The following DGKB variants were observed in gnomAD, a reference collection of about 807,000 sequenced individuals.
DGKB encodes 90 kDa diacylglycerol kinase.
A neutral mutation model predicts 114.3 loss-of-function variants in DGKB; 67 were observed. The ratio of observed to expected loss-of-function variants is 0.59; its 90% CI spans 0.48 to 0.72. The LOEUF is 0.72. DGKB is among the 30% of genes least tolerant of loss of function. The probability of loss-of-function intolerance (pLI) is 0.00; values close to 1 mark genes in which losing one functional copy is unlikely to be tolerated. For missense variants in DGKB, 907 were observed against 975.2 expected (o/e 0.93, Z 0.93); for synonymous variants, 398 against 323.1 (o/e 1.23, Z -2.49).
chr7:14,891,178 C>T lies in DGKB; in HGVS notation c.-188+11414G>A, dbSNP rs535122040. On this transcript the variant is annotated intron_variant, in intron 1 of 25. Transcript: ENST00000402815. The stretch of plus-strand genomic sequence containing the variant: ...CGTTCCAAAGCACCAAGTAGATGCG[C>T]GAAACCGCTAATAGTACCAAACTCT... Among the ~76,000 whole-genome samples the T allele has an allele frequency of 1.7e-4, 25 of 151,388 alleles. No individual in the cohort carries two copies. In the South Asian group the frequency reaches 3.7e-3, roughly 23 times the overall value.
intron 2 of DGKB, among the ~76,000 whole-genome samples, chr7:14,811,158 A>C (rs1337306165): frequency 1.3e-5 from 2 of 152,118 alleles, no homozygotes; most frequent in East Asian, 3.9e-4. Flanking sequence ...GATCTCGCTG[A>C]AATACGCCAG....
intron 19 of DGKB, among the ~76,000 whole-genome samples, chr7:14,580,265 T>A (rs73680448): frequency 3.4e-3 from 512 of 152,318 alleles, no homozygotes; most frequent in African/African-American, 0.011. Context: ...TTCTTCTATG[T>A]CATATCCTCA....
chr7:14,418,727 G>C (rs2128758671), intron 21 of DGKB, among the ~76,000 whole-genome samples: 1 of 150,344 alleles, frequency 6.7e-6, no homozygotes, highest in East Asian at 1.9e-4. Flanking sequence ...TTCATAGCTA[G>C]GTTAATTTCA....
chr7:14,293,048 A>T (rs1802003576), intron 23 of DGKB, among the ~76,000 whole-genome samples: 1 of 152,168 alleles, frequency 6.6e-6, no homozygotes, highest in Non-Finnish European at 1.5e-5. Flanking sequence ...AGAAAGATTC[A>T]CTGGATACAT....
At chr7:14,640,344 T>G (rs1222530802) in intron 13 of DGKB, among the ~76,000 whole-genome samples, 1 of 152,160 alleles carries the variant, frequency 6.6e-6, no homozygotes, top group East Asian at 1.9e-4. Context: ...ATTGGGTGGC[T>G]CAAGGATGTT....
intron 13 of DGKB, among the ~76,000 whole-genome samples, chr7:14,644,834 C>A (rs1402501814): frequency 1.3e-5 from 2 of 152,076 alleles, no homozygotes; most frequent in East Asian, 3.9e-4. Flanking sequence ...AAATAGACAT[C>A]CAGATACAGG....
chr7:14,646,033 T>A (rs1812926678), intron 13 of DGKB, among the ~76,000 whole-genome samples: 1 of 152,094 alleles, frequency 6.6e-6, no homozygotes, highest in African/African-American at 2.4e-5. Context: ...TATCAACAAC[T>A]ATGAAGAGGT....
intron 1 of DGKB, among the ~76,000 whole-genome samples, chr7:14,875,343 T>G (rs1039297103): frequency 6.6e-6 from 1 of 152,166 alleles, no homozygotes; most frequent in Non-Finnish European, 1.5e-5. Context: ...TTCTGCTGCT[T>G]CTACCTGCTT....
At chr7:14,151,827 C>T (rs949882302) in intron 25 of DGKB, among the ~76,000 whole-genome samples, 1 of 152,002 alleles carries the variant, frequency 6.6e-6, no homozygotes, top group African/African-American at 2.4e-5. Flanking sequence ...TCAGTAAATG[C>T]CTATTATGAA....
At chr7:14,462,662 C>G (rs1404941408) in intron 21 of DGKB, among the ~76,000 whole-genome samples, 1 of 152,188 alleles carries the variant, frequency 6.6e-6, no homozygotes. Flanking sequence ...AATGGCCATA[C>G]TGCCCAAAGT....
At chr7:14,764,873 T>A (rs1263876673) in intron 2 of DGKB, among the ~76,000 whole-genome samples, 2 of 151,860 alleles carry the variant, frequency 1.3e-5, no homozygotes, top group African/African-American at 4.8e-5. Context: ...GAAAATAATA[T>A]TGTCATTAAA....
chr7:14,357,208 CCATT>C (rs1320177819), intron 21 of DGKB, among the ~76,000 whole-genome samples: 1 of 151,982 alleles, frequency 6.6e-6, no homozygotes, highest in Non-Finnish European at 1.5e-5. Flanking sequence ...TTAATGTCTC[CCATT>C]ATTATTGTGT....
intron 2 of DGKB, among the ~76,000 whole-genome samples, chr7:14,835,082 C>A (rs997444720): frequency 1.3e-5 from 2 of 152,002 alleles, no homozygotes; most frequent in African/African-American, 4.8e-5. Flanking sequence ...GAAATATAAT[C>A]TGGGTCAGAG....
chr7:14,377,066 A>G (rs181591101), intron 21 of DGKB, among the ~76,000 whole-genome samples: 16 of 152,318 alleles, frequency 1.1e-4, no homozygotes. Context: ...ATGTGACAGC[A>G]TCTGGGTTAT....
intron 20 of DGKB, among the ~76,000 whole-genome samples, chr7:14,494,404 C>T (rs2128939668): frequency 6.6e-6 from 1 of 151,968 alleles, no homozygotes; most frequent in East Asian, 1.9e-4. Flanking sequence ...TCAAACGGGA[C>T]ACTTTTTTCT....
At chr7:14,932,799 T>C (rs1785089341) in intron 1 of DGKB, among the ~76,000 whole-genome samples, 1 of 152,144 alleles carries the variant, frequency 6.6e-6, no homozygotes, top group Non-Finnish European at 1.5e-5. Context: ...TCAAAGCTAA[T>C]CTGTTGACCA....
intron 2 of DGKB, among the ~76,000 whole-genome samples, chr7:14,777,163 G>C (rs75513082): frequency 1.5e-3 from 231 of 152,218 alleles, no homozygotes; most frequent in African/African-American, 4.9e-3. Context: ...CCCAATGCCT[G>C]TACCCCCGTT....
At chr7:14,857,258 T>TGTGTGTGTGTGTGTGTGTGTGTGTG (rs1850297654) in intron 1 of DGKB, among the ~76,000 whole-genome samples, 4 of 138,262 alleles carry the variant, frequency 2.9e-5, no homozygotes, top group South Asian at 2.5e-4. Context: ...CTGTGTGTGT[T>TGTGTGTGTGTGTGTGTGTGTGTGTG]TGTGTGTGTG....
chr7:14,636,213 A>G (rs906336513), intron 13 of DGKB, among the ~76,000 whole-genome samples: 1 of 151,818 alleles, frequency 6.6e-6, no homozygotes, highest in East Asian at 1.9e-4. Flanking sequence ...CATTATGTGC[A>G]TGTAATTAAT....
Sources: allele counts gnomAD v4.1 joint callset (sites outside exome capture counted in the v4.1 genomes callset), GRCh38; gene constraint gnomAD v4.1.1; transcripts MANE v1.5; gene names NCBI Gene and HGNC (gene_info 2026-07-23, HGNC 2026-07-21).